IMMP2L: variants seen among roughly 807,000 people sequenced by gnomAD.
IMMP2L encodes the protein mitochondrial inner membrane protease subunit 2.
IMMP2L carries 18 observed loss-of-function variants against 19.3 expected under a neutral mutation model. That is an observed-to-expected ratio of 0.93 (90% CI 0.64 to 1.38). The LOEUF is 1.38. IMMP2L is among the 40% of genes most tolerant of loss of function. IMMP2L has a pLI of 0.00. For missense variants in IMMP2L, 233 were observed against 218.2 expected (o/e 1.07, Z -0.43); for synonymous variants, 76 against 73.0 (o/e 1.04, Z -0.21).
chr7:110,719,862 T>C (rs1026979507), intron 5 of IMMP2L, among the ~76,000 whole-genome samples: 2 of 152,342 alleles, frequency 1.3e-5, no homozygotes, highest in African/African-American at 4.8e-5. Context: ...ACATTGTAAA[T>C]CACCACCCAC....
intron 3 of IMMP2L, among the ~76,000 whole-genome samples, chr7:111,368,943 G>T (rs1830035290): frequency 6.6e-6 from 1 of 151,728 alleles, no homozygotes; most frequent in Non-Finnish European, 1.5e-5. Context: ...ATATGTAAAG[G>T]AAAATGGTTT....
intron 5 of IMMP2L, among the ~76,000 whole-genome samples, chr7:110,712,978 C>T (rs553142919): frequency 2.6e-4 from 40 of 151,918 alleles, no homozygotes; most frequent in African/African-American, 9.7e-4. Flanking sequence ...TTCTGCGTCA[C>T]TCACGCTGGG....
chr7:111,171,113 G>A (rs1806396212), intron 3 of IMMP2L, among the ~76,000 whole-genome samples: 1 of 151,538 alleles, frequency 6.6e-6, no homozygotes, highest in Admixed American at 6.6e-5. Context: ...ATCTGTATAA[G>A]TATAAAGTGA....
chr7:111,058,808 A>G (rs1793746171), intron 3 of IMMP2L, among the ~76,000 whole-genome samples: 1 of 152,162 alleles, frequency 6.6e-6, no homozygotes, highest in African/African-American at 2.4e-5. Context: ...CTTGAGTCCT[A>G]TCCTACTAAT....
At chr7:110,894,554 T>C (rs1811132879) in intron 4 of IMMP2L, among the ~76,000 whole-genome samples, 1 of 152,232 alleles carries the variant, frequency 6.6e-6, no homozygotes, top group Admixed American at 6.5e-5. Flanking sequence ...AAAAATTAAA[T>C]TTAGTGATTT....
At chr7:111,157,013 A>G (rs2129604801) in intron 3 of IMMP2L, among the ~76,000 whole-genome samples, 1 of 152,240 alleles carries the variant, frequency 6.6e-6, no homozygotes, top group Non-Finnish European at 1.5e-5. Context: ...GCAAATCAAA[A>G]CCACAATGAG....
intron 5 of IMMP2L, among the ~76,000 whole-genome samples, chr7:110,677,559 G>A (rs1162412439): frequency 6.6e-6 from 1 of 152,088 alleles, no homozygotes; most frequent in Non-Finnish European, 1.5e-5. Flanking sequence ...CACACAGAAT[G>A]CTTCCATTCC....
At chr7:110,815,307 G>C (rs969473291) in intron 5 of IMMP2L, among the ~76,000 whole-genome samples, 1 of 152,002 alleles carries the variant, frequency 6.6e-6, no homozygotes, top group East Asian at 1.9e-4. Flanking sequence ...TGCATCCCAG[G>C]GATGAAGCCC....
intron 3 of IMMP2L, among the ~76,000 whole-genome samples, chr7:111,131,359 C>A (rs558281238): frequency 6.6e-6 from 1 of 151,666 alleles, no homozygotes; most frequent in South Asian, 2.1e-4. Flanking sequence ...ATTCTGTTGA[C>A]GCATGCATAG....
chr7:110,830,012 CA>C (rs1257613495), intron 5 of IMMP2L, among the ~76,000 whole-genome samples: 2 of 151,884 alleles, frequency 1.3e-5, no homozygotes, highest in Non-Finnish European at 2.9e-5. Flanking sequence ...TTGAGGATAC[CA>C]ATGAGGGAAC....
intron 3 of IMMP2L, among the ~76,000 whole-genome samples, chr7:111,173,980 C>A (rs1806747755): frequency 1.3e-5 from 2 of 151,790 alleles, no homozygotes; most frequent in East Asian, 1.9e-4. Flanking sequence ...AAAGGATTGT[C>A]AACATCAACC....
At chr7:111,050,902 T>C (rs553448932) in intron 3 of IMMP2L, among the ~76,000 whole-genome samples, 17 of 152,330 alleles carry the variant, frequency 1.1e-4, no homozygotes, top group Middle Eastern at 3.4e-3. Context: ...AGTCCTCTTG[T>C]CTAGAAAACT....
intron 3 of IMMP2L, among the ~76,000 whole-genome samples, chr7:111,462,255 G>A (rs2132017894): frequency 6.6e-6 from 1 of 152,132 alleles, no homozygotes; most frequent in African/African-American, 2.4e-5. Flanking sequence ...ACATCTTAGT[G>A]AATTTATAAT....
intron 5 of IMMP2L, among the ~76,000 whole-genome samples, chr7:110,768,563 C>T (rs1453005864): frequency 6.6e-6 from 1 of 152,090 alleles, no homozygotes; most frequent in Non-Finnish European, 1.5e-5. Flanking sequence ...TACTTTTGGC[C>T]CCACAAATTT....
At chr7:110,767,608 T>C (rs1638602062) in intron 5 of IMMP2L, among the ~76,000 whole-genome samples, 1 of 152,176 alleles carries the variant, frequency 6.6e-6, no homozygotes, top group Admixed American at 6.6e-5. Context: ...TCATTCTCTA[T>C]CTTATGCCTA....
chr7:111,334,887 G>A (rs752538051), intron 3 of IMMP2L, among the ~76,000 whole-genome samples: 1 of 152,002 alleles, frequency 6.6e-6, no homozygotes, highest in Non-Finnish European at 1.5e-5. Context: ...AGGTTGATTC[G>A]GGGTAATATC....
At chr7:110,737,678 C>G (rs1040961867) in intron 5 of IMMP2L, among the ~76,000 whole-genome samples, 2 of 152,202 alleles carry the variant, frequency 1.3e-5, no homozygotes, top group Non-Finnish European at 2.9e-5. Flanking sequence ...CCAGTTGTCC[C>G]TAGAGCAAGT....
rs139000315 is a variant in IMMP2L at position 110,919,288 on chromosome 7, A to C, written c.306-32593T>G. The stretch of plus-strand genomic sequence containing the variant: ...TGACTTTTCCTAATATGACTCACCA[A>C]ATTAAGCCATAAGAGACAGAAACTG... On this transcript the variant is annotated intron_variant, in intron 4 of 5. Transcript: ENST00000405709. Among the ~76,000 whole-genome samples the C allele has an allele frequency of 4.4e-3, 673 of 152,324 alleles. 4 individuals are homozygous for C. Among genetic ancestry groups the C allele is most frequent in the Middle Eastern group, 6.8e-3 (2 of 294 alleles).
intron 3 of IMMP2L, among the ~76,000 whole-genome samples, chr7:111,204,069 A>G (rs969534303): frequency 2.6e-5 from 4 of 152,200 alleles, no homozygotes; most frequent in African/African-American, 9.6e-5. Flanking sequence ...TTCAAAAAAT[A>G]TTCTTTTACC....
Sources: allele counts gnomAD v4.1 joint callset (sites outside exome capture counted in the v4.1 genomes callset), GRCh38; gene constraint gnomAD v4.1.1; transcripts MANE v1.5; gene names NCBI Gene and HGNC (gene_info 2026-07-23, HGNC 2026-07-21).